The following PAX5 variants were observed in gnomAD, a reference collection of about 807,000 sequenced individuals.
The protein encoded by PAX5 is paired box protein Pax-5.
Under a neutral mutation model 43.7 loss-of-function variants are expected in PAX5, and 9 were observed. The ratio of observed to expected loss-of-function variants is 0.21; its 90% CI spans 0.12 to 0.36. PAX5 has a LOEUF of 0.36. Ranked by LOEUF, PAX5 falls within the 10% of genes least tolerant of loss-of-function variation. The pLI, the probability that PAX5 is intolerant of heterozygous loss-of-function variation, is 1.00. For synonymous variants in PAX5, 228 were observed against 214.3 expected, an observed-to-expected ratio of 1.06 and a Z score of -0.56; for missense variants, 383 against 532.7, an observed-to-expected ratio of 0.72 and a Z score of 2.77.
At chr9:36,886,845 C>T (rs140345717) in intron 7 of PAX5, among the ~76,000 whole-genome samples, 81 of 152,310 alleles carry the variant, frequency 5.3e-4, no homozygotes, top group African/African-American at 1.9e-3. Flanking sequence ...CTAACTCATG[C>T]GTGGCCTTCT....
intron 7 of PAX5, among the ~76,000 whole-genome samples, chr9:36,905,490 C>G (rs1455115682): frequency 1.3e-5 from 2 of 152,126 alleles, no homozygotes; most frequent in African/African-American, 4.8e-5. Context: ...CAAATCAGGC[C>G]CCTCTCTCCC....
chr9:36,980,179 A>G (rs1329574), intron 5 of PAX5, among the ~76,000 whole-genome samples: 1 of 152,116 alleles, frequency 6.6e-6, no homozygotes, highest in East Asian at 1.9e-4. Flanking sequence ...AGCGGCTTGC[A>G]CCGGTGGCTG....
At chr9:37,008,388 T>G (rs990840269) in intron 3 of PAX5, among the ~76,000 whole-genome samples, 1 of 152,248 alleles carries the variant, frequency 6.6e-6, no homozygotes, top group Non-Finnish European at 1.5e-5. Context: ...GCTCTTTTCA[T>G]GCAACATTCT....
intron 6 of PAX5, among the ~76,000 whole-genome samples, chr9:36,953,904 C>A (rs1354774599): frequency 1.3e-5 from 2 of 152,054 alleles, no homozygotes; most frequent in Non-Finnish European, 2.9e-5. Flanking sequence ...GAAACCTGGT[C>A]TCTACAAAAA....
At chr9:36,875,741 A>G (rs1825855752) in intron 8 of PAX5, among the ~76,000 whole-genome samples, 1 of 152,196 alleles carries the variant, frequency 6.6e-6, no homozygotes, top group Non-Finnish European at 1.5e-5. Context: ...GGGCAGCCGG[A>G]TAAAGACTCA....
chr9:36,922,643 C>T (rs1360683098), intron 7 of PAX5: 1 of 152,286 alleles, frequency 6.6e-6, no homozygotes, highest in Non-Finnish European at 1.5e-5. Context: ...TACCATGTGC[C>T]AGACGAGAGT....
At chr9:37,013,775 C>T (rs1241476556) in intron 3 of PAX5, among the ~76,000 whole-genome samples, 1 of 152,178 alleles carries the variant, frequency 6.6e-6, no homozygotes, top group African/African-American at 2.4e-5. Flanking sequence ...TCCCCTGTAC[C>T]ATGCATGATG....
intron 6 of PAX5, among the ~76,000 whole-genome samples, chr9:36,957,067 T>C (rs1833549962): frequency 6.6e-6 from 1 of 152,238 alleles, no homozygotes; most frequent in South Asian, 2.1e-4. Flanking sequence ...GAGGAGTCAC[T>C]TATCCGACTG....
At chr9:36,912,983 C>T (rs1829427603) in intron 7 of PAX5, among the ~76,000 whole-genome samples, 2 of 152,242 alleles carry the variant, frequency 1.3e-5, no homozygotes, top group African/African-American at 2.4e-5. Flanking sequence ...AAAGTCCAGA[C>T]AGAAACCTGT....
intron 1 of PAX5, among the ~76,000 whole-genome samples, chr9:37,029,267 G>A (rs535863875): frequency 1.2e-3 from 181 of 152,144 alleles, no homozygotes; most frequent in Middle Eastern, 3.4e-3. Flanking sequence ...TTCTCTCTAC[G>A]CATGCTCTAC....
At chr9:37,000,733 G>A (rs1020870973) in intron 5 of PAX5, among the ~76,000 whole-genome samples, 2 of 152,138 alleles carry the variant, frequency 1.3e-5, no homozygotes, top group African/African-American at 2.4e-5. Context: ...ATTACCTCCC[G>A]AGGCATCTCC....
At chr9:36,949,205 G>C (rs1048316999) in intron 6 of PAX5, among the ~76,000 whole-genome samples, 1 of 151,058 alleles carries the variant, frequency 6.6e-6, no homozygotes, top group East Asian at 1.9e-4. Flanking sequence ...GGACCACAGG[G>C]GCCCGCCACC....
At chr9:36,844,071 C>A (rs1263735570) in intron 9 of PAX5, among the ~76,000 whole-genome samples, 1 of 152,206 alleles carries the variant, frequency 6.6e-6, no homozygotes, top group African/African-American at 2.4e-5. Context: ...TTAAGCCAGT[C>A]AGAGTGGATT....
chr9:36,853,779 C>CCCAGAGGCAGAAACATCA (rs1314471101), intron 8 of PAX5, among the ~76,000 whole-genome samples: 1 of 152,206 alleles, frequency 6.6e-6, no homozygotes, highest in African/African-American at 2.4e-5. Context: ...TCCTGGAGAT[C>CCCAGAGGCAGAAACATCA]CCAGAGGCAG....
At chr9:36,945,283 GA>G (rs1306072648) in intron 6 of PAX5, among the ~76,000 whole-genome samples, 3 of 151,940 alleles carry the variant, frequency 2.0e-5, no homozygotes, top group Non-Finnish European at 4.4e-5. Context: ...CTCACCCAGG[GA>G]GGGCTGAAGT....
intron 8 of PAX5, among the ~76,000 whole-genome samples, chr9:36,878,302 G>A (rs762976661): frequency 4.6e-5 from 7 of 152,188 alleles, no homozygotes; most frequent in South Asian, 2.1e-4. Flanking sequence ...AACTTGATAC[G>A]TGTTAGGGGC....
rs113405010 is a variant in PAX5 at position 36,948,994 on chromosome 9, C to T, written c.780+17555G>A. ...TTGGAGTACCTACTATGGGCTGAAC[C>T]CTCTGTCAAACTTTGTTTAATCAGT... On this transcript the variant is annotated intron_variant, in intron 6 of 9. Transcript: ENST00000358127. Among the ~76,000 whole-genome samples the T allele has an allele frequency of 4.2e-3, 637 of 152,280 alleles. 7 individuals carry two copies. The highest frequency in any genetic ancestry group is 0.015 in the African/African-American group (618 of 41,558).
chr9:37,026,920 CG>C (rs1840445397), intron 1 of PAX5, among the ~76,000 whole-genome samples: 1 of 152,214 alleles, frequency 6.6e-6, no homozygotes, highest in Non-Finnish European at 1.5e-5. Flanking sequence ...GGCCCGCCTC[CG>C]GGACAGCCAG....
chr9:37,011,128 C>CAAAAAAAAAAA (rs1225031293), intron 3 of PAX5, among the ~76,000 whole-genome samples: 1 of 100,966 alleles, frequency 9.9e-6, no homozygotes. Context: ...CTCAAAAAAA[C>CAAAAAAAAAAA]AAAAAAAAAA....
Sources: allele counts gnomAD v4.1 joint callset (sites outside exome capture counted in the v4.1 genomes callset), GRCh38; gene constraint gnomAD v4.1.1; transcripts MANE v1.5; gene names NCBI Gene and HGNC (gene_info 2026-07-23, HGNC 2026-07-21).